The following RFC1 variants were observed in gnomAD, a reference collection of about 807,000 sequenced individuals.
RFC1 encodes replication factor C subunit 1.
In RFC1, 37 loss-of-function variants were observed where a neutral mutation model predicts 137.4. The ratio of observed to expected loss-of-function variants is 0.27; its 90% CI spans 0.21 to 0.35. The LOEUF (loss-of-function observed/expected upper bound fraction) is 0.35. Ranked by LOEUF, RFC1 falls within the 10% of genes least tolerant of loss-of-function variation. RFC1 has a pLI of 1.00. For synonymous variants in RFC1, 429 were observed against 455.7 expected (o/e 0.94, Z 0.75); for missense variants, 1,205 against 1,358.5 (o/e 0.89, Z 1.78).
chr4:39,365,983 G>T (rs1166967956), intron 1 of RFC1, among the ~76,000 whole-genome samples: 1 of 152,164 alleles, frequency 6.6e-6, no homozygotes, highest in African/African-American at 2.4e-5. Flanking sequence ...CCCCAAGAGT[G>T]GGGGGCGGGG....
intron 7 of RFC1, 44 bp downstream of exon 7, chr4:39,323,296 C>A (rs377262703): frequency 4.8e-5 from 73 of 1,507,838 alleles, no homozygotes; most frequent in Non-Finnish European, 6.5e-5. Flanking sequence ...GAACACTGAT[C>A]TGTACTGTAT....
In RFC1 at chr4:39,291,794, G is replaced by A. The variant is rs763600225; in HGVS notation, c.3013C>T (p.Leu1005Phe). The A allele has an allele frequency of 2.0e-5, 33 of 1,614,098 alleles. 1 individual carries two copies. In the South Asian group the frequency reaches 3.3e-4, roughly 16 times the overall value. ...CCTTGTGAGGTCAAGGGCTGTACAA[G>A]TGCATCCCTTAGAAGCGACAGATAA... ...MDYLSLLRDALVQPLTSQGVD... is the reference protein window; with the variant it reads ...MDYLSLLRDAFVQPLTSQGVD... The change falls in exon 23 of 25, where the codon CTT becomes TTT. Residue 1005 changes from leucine (L) to phenylalanine (F), a missense_variant. Physicochemically the swap from Leu to Phe is conservative, Grantham distance 22. Coordinates refer to ENST00000349703, the MANE Select transcript of RFC1 (RefSeq NM_002913.5).
intron 2 of RFC1, among the ~76,000 whole-genome samples, chr4:39,349,505 T>A (rs1357702101): frequency 6.6e-6 from 1 of 152,160 alleles, no homozygotes; most frequent in Non-Finnish European, 1.5e-5. Flanking sequence ...GAAGAGGCTA[T>A]GTGAGGACAA....
chr4:39,360,678 T>C (rs1652768767), intron 1 of RFC1, among the ~76,000 whole-genome samples: 1 of 152,010 alleles, frequency 6.6e-6, no homozygotes, highest in African/African-American at 2.4e-5. Flanking sequence ...GAGGTTGCAG[T>C]GAGCTGAGAT....
At chr4:39,348,431 A>AGGG (rs1560619852) in intron 2 of RFC1, among the ~76,000 whole-genome samples, 1 of 83,920 alleles carries the variant, frequency 1.2e-5, no homozygotes. Flanking sequence ...TCAAAAAAGA[A>AGGG]AAGAAAAGAA....
Position 39,351,034 on chromosome 4 carries a change from A to C in RFC1, c.132+314T>G, listed in dbSNP as rs189577397. 3.2e-3 allele frequency among the ~76,000 whole-genome samples: 489 copies of C among 152,112 alleles called. 2 individuals are homozygous for C. The highest frequency in any genetic ancestry group is 0.011 in the African/African-American group (469 of 41,490). ...GGGAGGCCAAGGCGGGCAGATCACGAGGTCAGGAGATCGAGACCATCCTGG... is the reference window on the plus strand; with the variant it reads ...GGGAGGCCAAGGCGGGCAGATCACGCGGTCAGGAGATCGAGACCATCCTGG... On this transcript the variant is annotated intron_variant, in intron 2 of 24. Coordinates refer to ENST00000349703, the MANE Select transcript of RFC1 (RefSeq NM_002913.5).
rs1738830745 is a variant in RFC1, at chr4:39,308,969, T to C, written c.1552A>G (p.Ser518Gly). The C allele has an allele frequency of 6.2e-7, 1 of 1,612,878 alleles. No homozygotes were observed. Among genetic ancestry groups the C allele is most frequent in the Non-Finnish European group, 8.5e-7 (1 of 1,179,850 alleles). Residue 518 changes from serine (S) to glycine (G), a missense_variant, in exon 13 of 25, where the codon AGT becomes GGT. Physicochemically the swap from Ser to Gly is moderately conservative, Grantham distance 56. Around this residue, in one of 3 missense-constraint regions of RFC1, gnomAD observed 962 missense variants for 1,035.3 expected, o/e 0.93. Transcript: ENST00000349703. ...QKNVQGKRKI[S>G]PSKKESESKK... ...GATTCTGATTCCTTTTTAGATGGAC[T>C]AATTTTTCTTTTTCCTTGGACATTT...
intron 2 of RFC1, among the ~76,000 whole-genome samples, 166 bp from the exon 3 acceptor site, chr4:39,345,642 T>C (rs1740821016): frequency 6.6e-6 from 1 of 152,142 alleles, no homozygotes; most frequent in African/African-American, 2.4e-5. Flanking sequence ...TGCCTCAGCC[T>C]TCTGAGTAGC....
intron 4 of RFC1, among the ~76,000 whole-genome samples, chr4:39,338,798 G>A (rs1369418838): frequency 6.6e-6 from 1 of 152,012 alleles, no homozygotes; most frequent in Non-Finnish European, 1.5e-5. Context: ...TAATTTAGCA[G>A]GAATCCCAAA....
intron 9 of RFC1, among the ~76,000 whole-genome samples, chr4:39,317,567 G>T (rs1208112906): frequency 6.6e-6 from 1 of 152,094 alleles, no homozygotes; most frequent in Non-Finnish European, 1.5e-5. Context: ...CGTTCTCTAT[G>T]CTATTTCATC....
At chr4:39,365,314 C>T in intron 1 of RFC1, 2 of 211,828 alleles carry the variant, frequency 9.4e-6, no homozygotes, top group Non-Finnish European at 1.3e-5. Context: ...AAATTTTCAC[C>T]GCCCCCCCCC....
intron 23 of RFC1, 75 bp downstream of exon 23, chr4:39,291,564 A>G: frequency 1.9e-6 from 2 of 1,061,138 alleles, no homozygotes; most frequent in Non-Finnish European, 2.9e-6. Flanking sequence ...AAAGCATCTA[A>G]AACACCTCCG....
chr4:39,348,059 A>C (rs920196662), intron 2 of RFC1, among the ~76,000 whole-genome samples: 3 of 152,124 alleles, frequency 2.0e-5, no homozygotes, highest in Non-Finnish European at 4.4e-5. Flanking sequence ...CTAATGAAGA[A>C]ACCGGTCAGC....
At chr4:39,348,022 A>G (rs115988900) in intron 2 of RFC1, among the ~76,000 whole-genome samples, 1,690 of 152,304 alleles carry the variant, frequency 0.011, 11 homozygotes, top group Middle Eastern at 0.031. Context: ...GACTGCTTGT[A>G]GTCAAATGCA....
intron 4 of RFC1, among the ~76,000 whole-genome samples, chr4:39,340,597 A>G (rs1015490031): frequency 2.0e-5 from 3 of 152,180 alleles, no homozygotes; most frequent in Non-Finnish European, 4.4e-5. Flanking sequence ...TTCCAGTACT[A>G]TATTAATTTG....
chr4:39,305,619 A>G (rs746057954), intron 14 of RFC1, among the ~76,000 whole-genome samples: 50 of 152,184 alleles, frequency 3.3e-4, no homozygotes, highest in Non-Finnish European at 1.6e-4. Context: ...AAACAAAAAA[A>G]TAAAATAAGA....
At chr4:39,363,383 G>A (rs1447933755) in intron 1 of RFC1, among the ~76,000 whole-genome samples, 4 of 152,146 alleles carry the variant, frequency 2.6e-5, no homozygotes, top group Non-Finnish European at 5.9e-5. Flanking sequence ...AATGTTATCA[G>A]TTGGTTCCTT....
At chr4:39,353,398 A>AAAT (rs1741309174) in intron 1 of RFC1, among the ~76,000 whole-genome samples, 1 of 4,088 alleles carries the variant, frequency 2.4e-4, no homozygotes, top group Non-Finnish European at 8.4e-4. Context: ...AGACTGTCTC[A>AAAT]AAAAAAAAAA....
chr4:39,328,923 T>C (rs777170644), intron 4 of RFC1, among the ~76,000 whole-genome samples: 6 of 152,040 alleles, frequency 3.9e-5, no homozygotes, highest in Non-Finnish European at 7.4e-5. Flanking sequence ...TCTAGCTATA[T>C]ATTGCAGGTG....
Sources: gnomAD v4.1 joint callset for allele counts (sites outside exome capture counted in the v4.1 genomes callset) on GRCh38, gnomAD v4.1.1 for gene constraint, gnomAD v4.1.1 regional missense constraint, MANE v1.5 for transcripts, NCBI Gene and HGNC (gene_info 2026-07-23, HGNC 2026-07-21) for gene names.